Variants in STON2 observed in about 807,000 individuals in gnomAD.
STON2 encodes stonin-2.
Under a neutral mutation model 65.7 loss-of-function variants are expected in STON2, and 29 were observed. That is an observed-to-expected ratio of 0.44 (90% CI 0.33 to 0.60). The LOEUF (loss-of-function observed/expected upper bound fraction) is 0.60. Ranked by LOEUF, STON2 falls within the 20% of genes least tolerant of loss-of-function variation. STON2 has a pLI of 0.03. For missense variants in STON2, 1,054 were observed against 1,118.1 expected (o/e 0.94, Z 0.82); for synonymous variants, 404 against 414.2 (o/e 0.98, Z 0.30).
At chr14:81,415,725 C>CA (rs1355823581) in intron 2 of STON2, among the ~76,000 whole-genome samples, 1 of 149,624 alleles carries the variant, frequency 6.7e-6, no homozygotes. Flanking sequence ...TTGCACATAG[C>CA]AAAATTATAT....
rs1228888396 is a variant in STON2, at chr14:81,260,797, A to C, written c.*7617T>G. The stretch of plus-strand genomic sequence containing the variant: ...ACATAGGCACATATTAAAAAAAAAA[A>C]AACATAAACTGGTTTTACATAAAAT... On this transcript the variant is annotated 3_prime_UTR_variant, in exon 8 of 8. Transcript: ENST00000614646. 2.0e-5 allele frequency: 3 copies of C among 152,200 alleles called. No individual in the cohort carries two copies. The highest frequency in any genetic ancestry group is 4.8e-5 in the African/African-American group (2 of 41,450). 9.4% of individuals were successfully genotyped at this position (152,200 alleles called of 1,614,324 possible).
At chr14:81,318,374 T>C (rs1411248819) in intron 5 of STON2, among the ~76,000 whole-genome samples, 1 of 152,166 alleles carries the variant, frequency 6.6e-6, no homozygotes, top group Non-Finnish European at 1.5e-5. Context: ...TGCACACTTC[T>C]CTGCTTCTGG....
In STON2 at chr14:81,387,949, CT is replaced by C. The variant is rs369887955; in HGVS notation, c.373+7944del. Reference sequence around the variant, plus strand: ...TTTTAATCATATTTTTATTTCTTTTCTTTTTTTTTTTTTTTTTTGAGATGGA... The same window carrying C: ...TTTTAATCATATTTTTATTTCTTTTCTTTTTTTTTTTTTTTTTGAGATGGA... On this transcript the variant is annotated intron_variant, in intron 3 of 7. Transcript: ENST00000614646. Among the ~76,000 whole-genome samples the C allele has an allele frequency of 9.8e-3, 1,008 of 102,744 alleles. 8 individuals carry two copies. The highest frequency in any genetic ancestry group is 0.038 in the African/African-American group (887 of 23,312). 67.4% of individuals were successfully genotyped at this position (102,744 alleles called of 152,430 possible). A position where few individuals can be genotyped will look rare whatever the true frequency, so the allele number is the denominator to read the frequency against.
intron 4 of STON2, among the ~76,000 whole-genome samples, chr14:81,340,439 C>A (rs1208007250): frequency 6.6e-6 from 1 of 152,168 alleles, no homozygotes; most frequent in Non-Finnish European, 1.5e-5. Flanking sequence ...CTCCTGAAAG[C>A]TGGAGAGAAA....
At chr14:81,306,220 C>CTATTTTTTTTTTTT (rs1555397665) in intron 5 of STON2, among the ~76,000 whole-genome samples, 2 of 69,490 alleles carry the variant, frequency 2.9e-5, no homozygotes, top group Non-Finnish European at 5.1e-5. Context: ...CATACATACT[C>CTATTTTTTTTTTTT]TTTTTTTTTT....
At chr14:81,415,652 G>A (rs1338805055) in intron 2 of STON2, among the ~76,000 whole-genome samples, 1 of 117,878 alleles carries the variant, frequency 8.5e-6, no homozygotes, top group Non-Finnish European at 1.6e-5. Flanking sequence ...CCTGGCAACA[G>A]AGTGAGACTC....
At chr14:81,405,460 G>GTTTTTTTTTTTTTTTT (rs376505307) in intron 2 of STON2, among the ~76,000 whole-genome samples, 6 of 63,310 alleles carry the variant, frequency 9.5e-5, no homozygotes, top group African/African-American at 2.6e-4. Context: ...AGTTACTATT[G>GTTTTTTTTTTTTTTTT]TTTTTTTTTT....
Position 81,261,570 on chromosome 14 carries a change from T to C in STON2, c.*6844A>G. ...AGAGGGGACTGTCCCTTTTCTCTCA[T>C]CTGGTTTTGCCATAACTTACAAATA... On this transcript the variant is annotated 3_prime_UTR_variant, in exon 8 of 8. Coordinates refer to ENST00000614646, the MANE Select transcript of STON2 (RefSeq NM_001394390.1). 1 of 418,018 alleles carries C rather than the reference T, an allele frequency of 2.4e-6. No individual in the cohort carries two copies. Among genetic ancestry groups the C allele is most frequent in the Non-Finnish European group, 4.0e-6 (1 of 247,922 alleles). The allele number at this position is 418,018 out of a possible 1,614,324, so 25.9% of individuals were successfully genotyped here.
Position 81,277,075 on chromosome 14 carries a change from T to C in STON2, c.2407A>G (p.Ser803Gly). 1.2e-6 allele frequency: 2 copies of C among 1,614,216 alleles called. No individual in the cohort carries two copies. The highest frequency in any genetic ancestry group is 1.7e-6 in the Non-Finnish European group (2 of 1,180,044). ...SEWVKNFRRE[S>G]VLGEKSLKAK... ...TTCAAAGACTTTTCCCCCAGGACAC[T>C]TTCCCTGCGGAAGTTTTTCACCCAC... Residue 803 changes from serine to glycine, a missense_variant, in exon 6 of 8, where the codon AGT (serine) becomes GGT (glycine). Ser to Gly is a moderately conservative substitution (Grantham distance 56, BLOSUM62 0). Transcript: ENST00000614646.
At position 81,265,458 on chromosome 14, in the gene STON2, C is replaced by G. The variant is rs991218399; in HGVS notation, c.*2956G>C. On this transcript the variant is annotated 3_prime_UTR_variant, in exon 8 of 8. Coordinates refer to ENST00000614646, the MANE Select transcript of STON2 (RefSeq NM_001394390.1). ...TCACCTGAGGTCAGACATTCGAGAC[C>G]AGCCTGGCCAACATGGTGAAACCCC... is the stretch of plus-strand genomic sequence containing the variant. 1.8e-6 allele frequency: 1 copy of G among 559,656 alleles called. No individual in the cohort carries two copies. Among genetic ancestry groups the G allele is most frequent in the Non-Finnish European group, 2.3e-6 (1 of 441,604 alleles). 34.7% of individuals were successfully genotyped at this position (559,656 alleles called of 1,614,324 possible). A position where few individuals can be genotyped will look rare whatever the true frequency, so the allele number is the denominator to read the frequency against.
upstream of STON2, among the ~76,000 whole-genome samples, chr14:81,403,427 G>A (rs1349786206): frequency 4.0e-5 from 6 of 151,726 alleles, no homozygotes; most frequent in Admixed American, 1.3e-4. Context: ...TTTCTTTTTC[G>A]AGAAAAAAAA....
At chr14:81,371,283 A>C in intron 3 of STON2, 98 bp from the exon 4 acceptor site, 1 of 1,135,804 alleles carries the variant, frequency 8.8e-7, no homozygotes, top group Non-Finnish European at 1.3e-6. Context: ...ACATCATATG[A>C]AATCTCAACA....
At chr14:81,353,851 T>C (rs10133188) in intron 4 of STON2, among the ~76,000 whole-genome samples, 4 of 151,812 alleles carry the variant, frequency 2.6e-5, no homozygotes, top group African/African-American at 7.3e-5. Context: ...CTCTGTGTAC[T>C]TGACAGTGGT....
At chr14:81,374,177 AT>A (rs745568584) in intron 3 of STON2, among the ~76,000 whole-genome samples, 155 of 143,000 alleles carry the variant, frequency 1.1e-3, no homozygotes, top group Admixed American at 1.4e-3. Flanking sequence ...TGCCCGGCCG[AT>A]TTTTTTTTTT....
chr14:81,277,338 T>C lies in STON2; in HGVS notation c.2144A>G (p.Asn715Ser), dbSNP rs755166049. The C allele has an allele frequency of 1.7e-5, 27 of 1,613,896 alleles. No homozygotes were observed. Among genetic ancestry groups the C allele is most frequent in the East Asian group, 2.2e-5 (1 of 44,888 alleles). The change falls in exon 6 of 8, where the codon AAC becomes AGC. Residue 715 changes from asparagine to serine, a missense_variant. Coordinates refer to ENST00000614646, the MANE Select transcript of STON2 (RefSeq NM_001394390.1). ...AGGGTTGAACAGAATGACCCGTGAG[T>C]TGTGGAAAACATCCTCATCCACACA... ...HGCVDEDVFH[N>S]SRVILFNPLD...
chr14:81,314,989 C>T (rs1457975966), intron 5 of STON2, among the ~76,000 whole-genome samples: 1 of 152,106 alleles, frequency 6.6e-6, no homozygotes, highest in African/African-American at 2.4e-5. Context: ...GGATTACAGG[C>T]GTGAGCCACC....
chr14:81,265,047 A>G lies in STON2; in HGVS notation c.*3367T>C, dbSNP rs991700591. 1 of 980,874 alleles carries G rather than the reference A, an allele frequency of 1.0e-6. No individual in the cohort carries two copies. Among genetic ancestry groups the G allele is most frequent in the Non-Finnish European group, 1.2e-6 (1 of 825,922 alleles). The allele number at this position is 980,874 out of a possible 1,614,324, so 60.8% of individuals were successfully genotyped here. ...ATGAATTCATTTTTAATATTTTCACATTATTGATAACAAAGATTATTTGTG... is the reference window on the plus strand; with the variant it reads ...ATGAATTCATTTTTAATATTTTCACGTTATTGATAACAAAGATTATTTGTG... On this transcript the variant is annotated 3_prime_UTR_variant, in exon 8 of 8. Transcript: ENST00000614646.
At chr14:81,353,190 G>C (rs1898091579) in intron 4 of STON2, among the ~76,000 whole-genome samples, 1 of 152,146 alleles carries the variant, frequency 6.6e-6, no homozygotes, top group South Asian at 2.1e-4. Flanking sequence ...TTGGATAATA[G>C]TCTTACATTT....
chr14:81,432,664 C>T (rs1902267819), intron 1 of STON2, among the ~76,000 whole-genome samples: 1 of 152,108 alleles, frequency 6.6e-6, no homozygotes, highest in Non-Finnish European at 1.5e-5. Flanking sequence ...GAAGTCTGGG[C>T]AAAATTACAA....
Sources: allele counts gnomAD v4.1 joint callset (sites outside exome capture counted in the v4.1 genomes callset), GRCh38; gene constraint gnomAD v4.1.1; transcripts MANE v1.5; gene names NCBI Gene and HGNC (gene_info 2026-07-23, HGNC 2026-07-21).